BCL9L: variants seen among roughly 807,000 people sequenced by gnomAD.
The protein encoded by BCL9L is BCL9 like.
BCL9L carries 19 observed loss-of-function variants against 99.4 expected under a neutral mutation model. The observed-to-expected ratio is 0.19, with a 90% confidence interval of 0.13 to 0.28. The LOEUF (loss-of-function observed/expected upper bound fraction) is 0.28, where lower values mean the gene tolerates loss of function less well. Among genes scored for constraint, BCL9L ranks in the 10% least tolerant of loss-of-function variants. The pLI, the probability that BCL9L is intolerant of heterozygous loss-of-function variation, is 1.00. For synonymous variants in BCL9L, 900 were observed against 854.8 expected (o/e 1.05, Z -0.92); for missense variants, 2,023 against 2,101.6 (o/e 0.96, Z 0.73).
chr11:118,906,748 C>G (rs904338058), intron 5 of BCL9L, among the ~76,000 whole-genome samples: 2 of 151,932 alleles, frequency 1.3e-5, no homozygotes, highest in African/African-American at 4.8e-5. Context: ...TCTTGAACTC[C>G]TGGGCTCAAG....
chr11:118,911,592 A>C lies in BCL9L; in HGVS notation c.-76-1577T>G, dbSNP rs574900547. 5.3e-5 allele frequency among the ~76,000 whole-genome samples: 8 copies of C among 152,348 alleles called. No homozygotes were observed. The South Asian group carries it at 1.7e-3, about 32-fold the overall frequency. Reference sequence around the variant, plus strand: ...GGCTCTGAGCAGGCTCCTGGCTGGCATGCATCTCAGGCTCTCCCTTCACCA... The same window carrying C: ...GGCTCTGAGCAGGCTCCTGGCTGGCCTGCATCTCAGGCTCTCCCTTCACCA... On this transcript the variant is annotated intron_variant, in intron 2 of 9. Transcript: ENST00000683865.
rs2137729394 is a variant in BCL9L, at chr11:118,910,246, C to T, written c.-76-231G>A. Reference sequence around the variant, plus strand: ...TGCAGTCTCCAGCAAGCCTCCGCCCCGACGGGCGGCAGAGACAGAATTCAC... The same window carrying T: ...TGCAGTCTCCAGCAAGCCTCCGCCCTGACGGGCGGCAGAGACAGAATTCAC... On this transcript the variant is annotated intron_variant, in intron 2 of 9. Coordinates refer to ENST00000683865, the MANE Select transcript of BCL9L (RefSeq NM_001378213.1). The T allele has an allele frequency of 1.0e-5, 4 of 396,794 alleles. No individual in the cohort carries two copies. In the East Asian group the frequency reaches 1.7e-4, roughly 17 times the overall value. The allele number at this position is 396,794 out of a possible 1,614,324, so 24.6% of individuals were successfully genotyped here.
At position 118,908,630 on chromosome 11, in the gene BCL9L, C is replaced by T. The variant is rs1940638776; in HGVS notation, c.52G>A (p.Ala18Thr). The change falls in exon 4 of 10, where the codon GCT becomes ACT. Residue 18 changes from alanine (A) to threonine (T), a missense_variant. Coordinates refer to ENST00000683865, the MANE Select transcript of BCL9L (RefSeq NM_001378213.1). ...TRLPHPRRRE[A>T]PGSPPLSPRG... ...GGGGACAGCGGCGGGCTCCCTGGAGCTTCTCTCCTCCTGGGGTGGGGTAAC... is the reference window on the plus strand; with the variant it reads ...GGGGACAGCGGCGGGCTCCCTGGAGTTTCTCTCCTCCTGGGGTGGGGTAAC... The T allele has an allele frequency of 6.2e-7, 1 of 1,611,596 alleles. No individual in the cohort carries two copies. Among genetic ancestry groups the T allele is most frequent in the South Asian group, 1.1e-5 (1 of 91,036 alleles).
At position 118,909,773 on chromosome 11, in the gene BCL9L, T is replaced by A. The variant is rs1221278573; in HGVS notation, c.26+141A>T. 5 of 1,388,498 alleles carry A rather than the reference T, an allele frequency of 3.6e-6. No individual in the cohort carries two copies. The African/African-American group carries it at 5.7e-5, about 16-fold the overall frequency. 86.0% of individuals were successfully genotyped at this position (1,388,498 alleles called of 1,614,324 possible). On this transcript the variant is annotated intron_variant, in intron 3 of 9. Transcript: ENST00000683865. Reference sequence around the variant, plus strand: ...CCAGGCCTTCCCATGCTAACCCCCCTTTAGCCCACTGGTGGCCTGGGAGCC... The same window carrying A: ...CCAGGCCTTCCCATGCTAACCCCCCATTAGCCCACTGGTGGCCTGGGAGCC...
chr11:118,903,470 G>A lies in BCL9L; in HGVS notation c.533-18C>T, dbSNP rs2137703096. The A allele has an allele frequency of 6.2e-7, 1 of 1,611,816 alleles. No homozygotes were observed. The highest frequency in any genetic ancestry group is 8.5e-7 in the Non-Finnish European group (1 of 1,178,726). Reference sequence around the variant, plus strand: ...ATTACAATCTGCAGGAGAGAGGACAGGGAAAGGGGCTAAGTGGTCTAGATA... The same window carrying A: ...ATTACAATCTGCAGGAGAGAGGACAAGGAAAGGGGCTAAGTGGTCTAGATA... On this transcript the variant is annotated intron_variant, in intron 5 of 9. Transcript: ENST00000683865. The surrounding 1 kb of genome is among the most constrained non-coding windows in gnomAD (Gnocchi z 5.6).
chr11:118,901,092 G>T lies in BCL9L; in HGVS notation c.2651C>A (p.Thr884Asn), dbSNP rs971682180. 4.4e-6 allele frequency: 7 copies of T among 1,607,780 alleles called. No individual in the cohort carries two copies. The highest frequency in any genetic ancestry group is 1.7e-5 in the Admixed American group (1 of 59,718). The change falls in exon 8 of 10, where the codon ACC becomes AAC. Residue 884 changes from threonine (T) to asparagine (N), a missense_variant. Thr to Asn is a moderately conservative substitution (Grantham distance 65, BLOSUM62 0). Around this residue, in one of 3 missense-constraint regions of BCL9L, gnomAD observed 902 missense variants for 888.2 expected, o/e 1.02. Transcript: ENST00000683865. This position sits in a 1 kb window ranked among gnomAD's most constrained non-coding sequence, Gnocchi z 6.6. The stretch of plus-strand genomic sequence containing the variant: ...CAGAGGCATGTGGCTGAGCCGGGTG[G>T]TGCCCACGTTGCTCATGGGCATTGA... ...QSSMPMSNVG[T>N]TRLSHMPLPP...
In BCL9L at chr11:118,921,203, A is replaced by G. The variant is rs1941127538; in HGVS notation, c.-130-2324T>C. On this transcript the variant is annotated intron_variant, in intron 1 of 9. Transcript: ENST00000683865. This position sits in a 1 kb window ranked among gnomAD's most constrained non-coding sequence, Gnocchi z 5.4. ...CAGGAAACACACATGACATCGGCCA[A>G]TCACACAGAACTGCCAAACAGAACC... Among the ~76,000 whole-genome samples, 1 of 152,114 alleles carries G rather than the reference A, an allele frequency of 6.6e-6. No individual in the cohort carries two copies. Among genetic ancestry groups the G allele is most frequent in the Non-Finnish European group, 1.5e-5 (1 of 68,022 alleles).
chr11:118,903,547 T>C lies in BCL9L; in HGVS notation c.533-95A>G. The C allele has an allele frequency of 7.4e-7, 1 of 1,352,418 alleles. No individual in the cohort carries two copies. The highest frequency in any genetic ancestry group is 2.2e-4 in the Middle Eastern group (1 of 4,622). The allele number at this position is 1,352,418 out of a possible 1,614,324, so 83.8% of individuals were successfully genotyped here. The stretch of plus-strand genomic sequence containing the variant: ...CCACTGATGCTCACAGCCTTACAGC[T>C]CGTGCCCACAGGGACATTTGATGTC... On this transcript the variant is annotated intron_variant, in intron 5 of 9. Transcript: ENST00000683865. This position sits in a 1 kb window ranked among gnomAD's most constrained non-coding sequence, Gnocchi z 5.6.
Position 118,901,325 on chromosome 11 carries a change from C to A in BCL9L, c.2418G>T (p.Leu806Phe). Residue 806 changes from leucine (L) to phenylalanine (F), a missense_variant, in exon 8 of 10, where the codon TTG becomes TTT. Physicochemically the swap from Leu to Phe is conservative, Grantham distance 22. Transcript: ENST00000683865. The surrounding 1 kb of genome is among the most constrained non-coding windows in gnomAD (Gnocchi z 6.6). ...CAGGACTGAGGCCCTGGGGCCCCATCAAGTCCCCAGGGCCCCGCATCTTCT... is the reference window on the plus strand; with the variant it reads ...CAGGACTGAGGCCCTGGGGCCCCATAAAGTCCCCAGGGCCCCGCATCTTCT... ...MSQKMRGPGD[L>F]MGPQGLSPEE... 1 of 1,613,644 alleles carries A rather than the reference C, an allele frequency of 6.2e-7. No individual in the cohort carries two copies. Among genetic ancestry groups the A allele is most frequent in the Non-Finnish European group, 8.5e-7 (1 of 1,179,916 alleles).
At chr11:118,916,395 C>T (rs78403957) in intron 2 of BCL9L, among the ~76,000 whole-genome samples, 1,842 of 152,276 alleles carry the variant, frequency 0.012, 29 homozygotes, top group African/African-American at 0.04. Context: ...CCATCCCTGC[C>T]GCCCACTCCT....
Position 118,898,451 on chromosome 11 carries a change from G to T in BCL9L, c.4464C>A (p.Leu1488=). ...SVSLDSQMGY[L]PAPGGMANLP... is the part of the protein sequence containing the mutation. ...GGTTGGCCATGCCGCCTGGTGCCGG[G>T]AGGTAGCCCATCTGGCTGTCCAGGG... Residue 1488 remains leucine, a synonymous_variant, in exon 10 of 10, where the codon CTC becomes CTA. Coordinates refer to ENST00000683865, the MANE Select transcript of BCL9L (RefSeq NM_001378213.1). 6.2e-7 allele frequency: 1 copy of T among 1,606,798 alleles called. No individual in the cohort carries two copies. The highest frequency in any genetic ancestry group is 2.2e-5 in the East Asian group (1 of 44,618).
rs1591982181 is a variant in BCL9L at position 118,902,924 on chromosome 11, G to C, written c.835-16C>G. On this transcript the variant is annotated splice_polypyrimidine_tract_variant and intron_variant, in intron 7 of 9. Transcript: ENST00000683865. This position sits in a 1 kb window ranked among gnomAD's most constrained non-coding sequence, Gnocchi z 7.8. ...CTTTAGGGGCCTGCAGAAGGACAAA[G>C]AGAGCATGAGACAGGTAAGGGGACG... The C allele has an allele frequency of 1.3e-6, 2 of 1,590,006 alleles. No homozygotes were observed. Among genetic ancestry groups the C allele is most frequent in the East Asian group, 2.2e-5 (1 of 44,636 alleles).
In BCL9L at chr11:118,922,062, AC is replaced by A. The variant is rs1286563423; in HGVS notation, c.-131+3175del. Among the ~76,000 whole-genome samples, 1 of 151,760 alleles carries A rather than the reference AC, an allele frequency of 6.6e-6. No homozygotes were observed. Among genetic ancestry groups the A allele is most frequent in the East Asian group, 1.9e-4 (1 of 5,154 alleles). ...CTGAGGCAGTGTAACACATGCCCAC[AC>A]CCAGGAAGTCGCCCCTCCCACGGCA... is the stretch of plus-strand genomic sequence containing the variant. On this transcript the variant is annotated intron_variant, in intron 1 of 9. Coordinates refer to ENST00000683865, the MANE Select transcript of BCL9L (RefSeq NM_001378213.1). The surrounding 1 kb of genome is among the most constrained non-coding windows in gnomAD (Gnocchi z 6.2).
intron 2 of BCL9L, among the ~76,000 whole-genome samples, chr11:118,911,873 G>A (rs993313399): frequency 6.6e-6 from 1 of 152,264 alleles, no homozygotes; most frequent in African/African-American, 2.4e-5. Flanking sequence ...CAGGGCAAGG[G>A]CCACTCACTA....
rs372956405 is a variant in BCL9L, at chr11:118,901,471, G to T, written c.2272C>A (p.Leu758Met). 1.2e-6 allele frequency: 2 copies of T among 1,613,970 alleles called. No homozygotes were observed. The highest frequency in any genetic ancestry group is 2.7e-5 in the African/African-American group (2 of 74,928). The change falls in exon 8 of 10, where the codon CTG becomes ATG. Residue 758 changes from leucine to methionine, a missense_variant. Transcript: ENST00000683865. The surrounding 1 kb of genome is among the most constrained non-coding windows in gnomAD (Gnocchi z 6.6). ...LLSPPMGQSGLREVDPPMGPG... is the reference protein window; with the variant it reads ...LLSPPMGQSGMREVDPPMGPG... ...CCCATGGGTGGGTCCACCTCCCTCA[G>T]CCCAGACTGCCCCATGGGAGGGCTC...
intron 5 of BCL9L, among the ~76,000 whole-genome samples, chr11:118,905,338 A>G (rs1369351177): frequency 6.6e-6 from 1 of 152,064 alleles, no homozygotes; most frequent in East Asian, 1.9e-4. Flanking sequence ...GTGAAACTCC[A>G]TCTCTACTAA....
rs1940254934 is a variant in BCL9L, at chr11:118,901,811, G to C, written c.1932C>G (p.Pro644=). 2 of 1,610,508 alleles carry C rather than the reference G, an allele frequency of 1.2e-6. No individual in the cohort carries two copies. The highest frequency in any genetic ancestry group is 1.7e-6 in the Non-Finnish European group (2 of 1,177,140). The stretch of plus-strand genomic sequence containing the variant: ...CAAAATTGCTGGGTCCCCCCATAGG[G>C]GGCAAGTCTTCGGTCCAGCCCATGC... The part of the protein sequence containing the change: ...RPGMGWTEDL[P]PMGGPSNFAQ... The change falls in exon 8 of 10, where the codon CCC becomes CCG. Residue 644 remains proline, a synonymous_variant. Transcript: ENST00000683865. The surrounding 1 kb of genome is among the most constrained non-coding windows in gnomAD (Gnocchi z 6.6).
intron 2 of BCL9L, among the ~76,000 whole-genome samples, chr11:118,912,567 G>C (rs1940837526): frequency 6.6e-6 from 1 of 152,308 alleles, no homozygotes; most frequent in Non-Finnish European, 1.5e-5. Flanking sequence ...CTAGCTGGGG[G>C]AGGGAGCTGA....
At chr11:118,917,188 A>C (rs11602400) in intron 2 of BCL9L, among the ~76,000 whole-genome samples, 5,972 of 152,190 alleles carry the variant, frequency 0.039, 249 homozygotes, top group African/African-American at 0.11. Context: ...TGGAGTGTGG[A>C]AAGGCTGTCT....
Sources: allele counts gnomAD v4.1 joint callset (sites outside exome capture counted in the v4.1 genomes callset), GRCh38; gene constraint gnomAD v4.1.1; regional missense constraint gnomAD v4.1.1; non-coding constraint Gnocchi (gnomAD v3.1); transcripts MANE v1.5; gene names NCBI Gene and HGNC (gene_info 2026-07-23, HGNC 2026-07-21).